Variants in HECW2 observed in about 807,000 individuals in gnomAD.
HECW2 encodes E3 ubiquitin-protein ligase HECW2.
HECW2 carries 61 observed loss-of-function variants against 175.2 expected under a neutral mutation model. The ratio of observed to expected loss-of-function variants is 0.35; its 90% CI spans 0.28 to 0.43. The LOEUF (loss-of-function observed/expected upper bound fraction) is 0.43, where lower values mean the gene tolerates loss of function less well. Ranked by LOEUF, HECW2 falls within the 20% of genes least tolerant of loss-of-function variation. The probability of loss-of-function intolerance (pLI) is 1.00; values close to 1 mark genes in which losing one functional copy is unlikely to be tolerated. For synonymous variants in HECW2, 671 were observed against 731.0 expected, an observed-to-expected ratio of 0.92 and a Z score of 1.32; for missense variants, 1,524 against 2,000.5, an observed-to-expected ratio of 0.76 and a Z score of 4.54.
chr2:196,280,348 T>C (rs1475604208), intron 14 of HECW2, among the ~76,000 whole-genome samples: 1 of 152,248 alleles, frequency 6.6e-6, no homozygotes, highest in Non-Finnish European at 1.5e-5. Flanking sequence ...AGTATATTTA[T>C]GCCTATTTAG....
At chr2:196,303,016 C>T (rs893263676) in intron 13 of HECW2, among the ~76,000 whole-genome samples, 1 of 152,192 alleles carries the variant, frequency 6.6e-6, no homozygotes, top group African/African-American at 2.4e-5. Context: ...ATGTTTCCAG[C>T]TTTTGCCCAT....
chr2:196,251,823 T>C (rs1008456114), intron 19 of HECW2, among the ~76,000 whole-genome samples: 6 of 152,124 alleles, frequency 3.9e-5, no homozygotes, highest in Non-Finnish European at 5.9e-5. Context: ...ATCCTCCCAA[T>C]TGCCACCAGA....
chr2:196,350,774 C>T (rs776089844), intron 2 of HECW2, among the ~76,000 whole-genome samples: 6 of 148,344 alleles, frequency 4.0e-5, no homozygotes, highest in East Asian at 3.9e-4. Flanking sequence ...TAATGCAATG[C>T]GAAAATTACT....
rs567961229 is a variant in HECW2 at position 196,545,480 on chromosome 2, A to C, written c.-36+48028T>G. On this transcript the variant is annotated intron_variant, in intron 1 of 28. Transcript: ENST00000644978. ...TTGCAAACAAAAAGTCCTGATTAAT[A>C]GATGAGAGTTTTGATAGGGAAAATG... Among the ~76,000 whole-genome samples the C allele has an allele frequency of 9.8e-5, 15 of 152,362 alleles. 1 individual carries two copies. The East Asian group carries it at 2.7e-3, about 27-fold the overall frequency.
At chr2:196,543,879 T>C (rs1689312808) in intron 1 of HECW2, among the ~76,000 whole-genome samples, 1 of 152,214 alleles carries the variant, frequency 6.6e-6, no homozygotes, top group South Asian at 2.1e-4. Flanking sequence ...CCCAAACTGC[T>C]GGGATTACAG....
chr2:196,532,867 T>C lies in HECW2; in HGVS notation c.-36+60641A>G, dbSNP rs78228492. Among the ~76,000 whole-genome samples, 1,100 of 152,268 alleles carry C rather than the reference T, an allele frequency of 7.2e-3. 22 individuals are homozygous for C. Among genetic ancestry groups the C allele is most frequent in the African/African-American group, 0.025 (1,055 of 41,544 alleles). Reference sequence around the variant, plus strand: ...GGAGAAGGAGGAGGGACACATTAATTTGGCATAACTTAGCGTGGCTCAGTG... The same window carrying C: ...GGAGAAGGAGGAGGGACACATTAATCTGGCATAACTTAGCGTGGCTCAGTG... On this transcript the variant is annotated intron_variant, in intron 1 of 28. Coordinates refer to ENST00000644978, the MANE Select transcript of HECW2 (RefSeq NM_001348768.2).
At chr2:196,335,155 T>C (rs1692505227) in intron 3 of HECW2, among the ~76,000 whole-genome samples, 1 of 152,236 alleles carries the variant, frequency 6.6e-6, no homozygotes, top group Admixed American at 6.5e-5. Flanking sequence ...TAGACAGGGA[T>C]CAAATCTACA....
At chr2:196,499,165 C>T (rs922983471) in intron 1 of HECW2, among the ~76,000 whole-genome samples, 3 of 152,112 alleles carry the variant, frequency 2.0e-5, no homozygotes, top group African/African-American at 7.2e-5. Flanking sequence ...GCAATACCCG[C>T]CATCTCAGTG....
chr2:196,316,555 C>T (rs1420571705), intron 10 of HECW2: 1 of 152,164 alleles, frequency 6.6e-6, no homozygotes, highest in Non-Finnish European at 1.5e-5. Context: ...GCATTGCTCT[C>T]ATAGAGCTAC....
chr2:196,248,128 CTGAG>C (rs1245796952), intron 19 of HECW2, among the ~76,000 whole-genome samples: 1 of 152,308 alleles, frequency 6.6e-6, no homozygotes, highest in African/African-American at 2.4e-5. Flanking sequence ...GCTTTATTCT[CTGAG>C]TAGTAAAAGG....
chr2:196,214,929 A>G (rs573086435), intron 28 of HECW2, among the ~76,000 whole-genome samples: 6 of 152,334 alleles, frequency 3.9e-5, no homozygotes, highest in African/African-American at 1.4e-4. Context: ...CACTAATAAA[A>G]TAGGTTTCTC....
At chr2:196,292,299 G>C (rs192081442) in intron 14 of HECW2, 190 of 390,410 alleles carry the variant, frequency 4.9e-4, no homozygotes, top group Admixed American at 1.6e-3. Flanking sequence ...AGCATAGAGA[G>C]AGATGACAGG....
Position 196,195,362 on chromosome 2 carries a change from A to G in HECW2, c.*5915T>C, listed in dbSNP as rs1686652203. 4 of 152,366 alleles carry G rather than the reference A, an allele frequency of 2.6e-5. No homozygotes were observed. In the South Asian group the frequency reaches 6.2e-4, roughly 24 times the overall value. 9.4% of individuals were successfully genotyped at this position (152,366 alleles called of 1,614,324 possible). On this transcript the variant is annotated 3_prime_UTR_variant, in exon 29 of 29. Coordinates refer to ENST00000644978, the MANE Select transcript of HECW2 (RefSeq NM_001348768.2). ...AATATCTTAAAAGTCATATAGAAAG[A>G]TATCACCTGCCCAAGGGCACTACAC... is the stretch of plus-strand genomic sequence containing the variant.
intron 2 of HECW2, among the ~76,000 whole-genome samples, chr2:196,420,406 C>T (rs984590969): frequency 1.3e-5 from 2 of 152,026 alleles, no homozygotes; most frequent in Non-Finnish European, 1.5e-5. Context: ...AGATTGCAAG[C>T]GTAAGATTGG....
intron 2 of HECW2, among the ~76,000 whole-genome samples, chr2:196,404,407 A>C (rs2125213462): frequency 6.6e-6 from 1 of 152,238 alleles, no homozygotes; most frequent in South Asian, 2.1e-4. Flanking sequence ...TGATGTTTTT[A>C]TTTCCCAAAA....
chr2:196,328,059 T>TAA (rs11417850), intron 5 of HECW2, among the ~76,000 whole-genome samples: 4 of 151,828 alleles, frequency 2.6e-5, no homozygotes, highest in East Asian at 3.9e-4. Flanking sequence ...CTGTACACCA[T>TAA]AAAAAAATTT....
intron 11 of HECW2, 44 bp from the exon 12 acceptor site, chr2:196,307,277 G>C: frequency 7.5e-7 from 1 of 1,334,552 alleles, no homozygotes; most frequent in Non-Finnish European, 1.1e-6. Context: ...GCATTTAAGA[G>C]ATGGGACTCA....
rs543457534 is a variant in HECW2 at position 196,522,370 on chromosome 2, G to A, written c.-36+71138C>T. 1.2e-3 allele frequency among the ~76,000 whole-genome samples: 179 copies of A among 152,236 alleles called. No homozygotes were observed. The Middle Eastern group carries it at 0.014, about 12-fold the overall frequency. On this transcript the variant is annotated intron_variant, in intron 1 of 28. Transcript: ENST00000644978. ...TTTGTTTGAGTTCATTGTAGATTCTGGATATTAGCCCTTTGTCAGATGAGT... is the reference window on the plus strand; with the variant it reads ...TTTGTTTGAGTTCATTGTAGATTCTAGATATTAGCCCTTTGTCAGATGAGT...
At chr2:196,567,124 C>T (rs1214311512) in intron 1 of HECW2, among the ~76,000 whole-genome samples, 1 of 152,108 alleles carries the variant, frequency 6.6e-6, no homozygotes, top group Non-Finnish European at 1.5e-5. Context: ...TTGTGCTTCC[C>T]TCTGTTCTCA....
Sources: allele counts gnomAD v4.1 joint callset (sites outside exome capture counted in the v4.1 genomes callset), GRCh38; gene constraint gnomAD v4.1.1; transcripts MANE v1.5; gene names NCBI Gene and HGNC (gene_info 2026-07-23, HGNC 2026-07-21).